Variants in COLEC12 observed in about 807,000 individuals in gnomAD.
The protein encoded by COLEC12 is collectin subfamily member 12, also known as collectin-12.
COLEC12 carries 33 observed loss-of-function variants against 71.1 expected under a neutral mutation model. The observed-to-expected ratio is 0.46, with a 90% CI of 0.35 to 0.62. The LOEUF is 0.62. Ranked by LOEUF, COLEC12 falls within the 20% of genes least tolerant of loss-of-function variation. COLEC12 has a pLI of 0.00. For missense variants in COLEC12, 765 were observed against 916.1 expected (o/e 0.84, Z 2.13); for synonymous variants, 350 against 353.0 (o/e 0.99, Z 0.10).
intron 2 of COLEC12, among the ~76,000 whole-genome samples, chr18:376,488 G>A (rs1915115788): frequency 6.6e-6 from 1 of 152,168 alleles, no homozygotes; most frequent in Admixed American, 6.5e-5. Flanking sequence ...TTGGCACGTT[G>A]CACTGTAGTA....
At chr18:401,411 C>T (rs1915683625) in intron 2 of COLEC12, among the ~76,000 whole-genome samples, 1 of 152,222 alleles carries the variant, frequency 6.6e-6, no homozygotes, top group African/African-American at 2.4e-5. Flanking sequence ...GGCTTCCTGA[C>T]AGGGATTCAA....
intron 5 of COLEC12, among the ~76,000 whole-genome samples, chr18:342,657 G>C (rs1914282214): frequency 6.6e-6 from 1 of 152,230 alleles, no homozygotes; most frequent in Admixed American, 6.5e-5. Context: ...TTCAGAAATG[G>C]AGTTCCTTCT....
chr18:419,733 A>G (rs1232336848), intron 2 of COLEC12, among the ~76,000 whole-genome samples: 1 of 152,216 alleles, frequency 6.6e-6, no homozygotes, highest in Non-Finnish European at 1.5e-5. Flanking sequence ...TCTGTGGTAG[A>G]TAAACAATGA....
intron 2 of COLEC12, among the ~76,000 whole-genome samples, chr18:413,832 A>G (rs7234838): frequency 0.32 from 49,105 of 152,122 alleles, 8,493 homozygotes; most frequent in South Asian, 0.55. Context: ...ATGAAGTACT[A>G]ATACATGCAA....
intron 5 of COLEC12, among the ~76,000 whole-genome samples, chr18:342,845 C>A (rs114622961): frequency 6.6e-6 from 1 of 152,152 alleles, no homozygotes; most frequent in East Asian, 1.9e-4. Flanking sequence ...CTCTGAAACA[C>A]CTTGGAGCCT....
intron 2 of COLEC12, among the ~76,000 whole-genome samples, chr18:430,850 C>G (rs1916288787): frequency 6.6e-6 from 1 of 151,994 alleles, no homozygotes. Flanking sequence ...ATTTTGTTAA[C>G]CCAAGGGGCC....
rs1354755711 is a variant in COLEC12 at position 319,335 on chromosome 18, A to AT, written c.*709_*710insA. 32 of 42,108 alleles carry AT rather than the reference A, an allele frequency of 7.6e-4. No individual in the cohort carries two copies. The highest frequency in any genetic ancestry group is 1.6e-3 in the African/African-American group (29 of 17,822). 2.6% of individuals were successfully genotyped at this position (42,108 alleles called of 1,614,324 possible). A position where few individuals can be genotyped will look rare whatever the true frequency, so the allele number is the denominator to read the frequency against. ...AAATGAAACATTAAAAAAAAAAAAA[A>AT]AAAAAAATATATATATATATATATA... On this transcript the variant is annotated 3_prime_UTR_variant, in exon 10 of 10. Coordinates refer to ENST00000400256, the MANE Select transcript of COLEC12 (RefSeq NM_130386.3).
intron 2 of COLEC12, among the ~76,000 whole-genome samples, chr18:365,969 C>T (rs1359052158): frequency 2.0e-5 from 3 of 152,164 alleles, no homozygotes; most frequent in Non-Finnish European, 2.9e-5. Context: ...CTTTAGGGCT[C>T]GGGTTTTCTA....
chr18:492,432 G>A (rs1917634773), intron 1 of COLEC12, among the ~76,000 whole-genome samples: 1 of 152,186 alleles, frequency 6.6e-6, no homozygotes. Context: ...GCCACCAACT[G>A]CAAGAACTTA....
intron 2 of COLEC12, among the ~76,000 whole-genome samples, chr18:441,252 A>T (rs2143694912): frequency 6.6e-6 from 1 of 152,098 alleles, no homozygotes. Flanking sequence ...TGTCTCAAAA[A>T]ATAAATAAAT....
intron 2 of COLEC12, among the ~76,000 whole-genome samples, chr18:430,026 AT>A (rs1285301048): frequency 1.3e-5 from 2 of 152,116 alleles, no homozygotes; most frequent in Non-Finnish European, 2.9e-5. Flanking sequence ...GGCCTATGGA[AT>A]TTGCTCAATA....
intron 2 of COLEC12, among the ~76,000 whole-genome samples, chr18:456,968 C>T (rs553442292): frequency 1.3e-5 from 2 of 152,182 alleles, no homozygotes; most frequent in Non-Finnish European, 2.9e-5. Flanking sequence ...CTTCTCGGCT[C>T]GCAGGTCTTA....
intron 2 of COLEC12, among the ~76,000 whole-genome samples, chr18:461,616 G>A (rs1309495530): frequency 2.0e-5 from 3 of 152,128 alleles, no homozygotes; most frequent in African/African-American, 7.2e-5. Flanking sequence ...TTGAATTCCT[G>A]AACTTGAGCA....
chr18:337,462 T>C (rs2049225462), intron 5 of COLEC12, among the ~76,000 whole-genome samples: 1 of 152,222 alleles, frequency 6.6e-6, no homozygotes, highest in Admixed American at 6.5e-5. Context: ...GGACTTAATT[T>C]GCTTACGTAA....
At chr18:335,378 C>A (rs891719407) in intron 5 of COLEC12, 148 bp from the exon 6 acceptor site, 3 of 840,714 alleles carry the variant, frequency 3.6e-6, no homozygotes, top group East Asian at 6.0e-5. Flanking sequence ...TATCATACTA[C>A]TGTAGACTGT....
chr18:374,599 C>T (rs2143544364), intron 2 of COLEC12, among the ~76,000 whole-genome samples: 1 of 152,220 alleles, frequency 6.6e-6, no homozygotes, highest in East Asian at 1.9e-4. Context: ...TGAGGATATC[C>T]TAATTTTTCC....
chr18:485,184 G>A (rs1917496201), intron 1 of COLEC12, among the ~76,000 whole-genome samples: 2 of 152,194 alleles, frequency 1.3e-5, no homozygotes, highest in South Asian at 2.1e-4. Context: ...TTGTATCCCA[G>A]ATTGTCTTTA....
chr18:469,640 A>G (rs1013379259), intron 2 of COLEC12, among the ~76,000 whole-genome samples: 5 of 151,886 alleles, frequency 3.3e-5, no homozygotes, highest in Non-Finnish European at 4.4e-5. Flanking sequence ...TGAATGTTGC[A>G]CTCACTTCTT....
chr18:454,406 G>A (rs1311626528), intron 2 of COLEC12, among the ~76,000 whole-genome samples: 10 of 152,204 alleles, frequency 6.6e-5, no homozygotes, highest in Non-Finnish European at 1.5e-4. Context: ...CATCAGCCGG[G>A]CATGGTGGCT....
Sources: allele counts gnomAD v4.1 joint callset (sites outside exome capture counted in the v4.1 genomes callset), GRCh38; gene constraint gnomAD v4.1.1; transcripts MANE v1.5; gene names NCBI Gene and HGNC (gene_info 2026-07-23, HGNC 2026-07-21).